HIPK2: variants seen among roughly 807,000 people sequenced by gnomAD.
HIPK2 encodes the protein homeodomain-interacting protein kinase 2.
Under a neutral mutation model 113.7 loss-of-function variants are expected in HIPK2, and 27 were observed. That is an observed-to-expected ratio of 0.24 (90% confidence interval 0.17 to 0.33). The LOEUF is 0.33. Among genes scored for constraint, HIPK2 ranks in the 10% least tolerant of loss-of-function variants. HIPK2 has a pLI of 1.00. For synonymous variants in HIPK2, 631 were observed against 642.2 expected (o/e 0.98, Z 0.26); for missense variants, 1,257 against 1,588.0 (o/e 0.79, Z 3.54).
intron 2 of HIPK2, among the ~76,000 whole-genome samples, chr7:139,650,540 A>G (rs1490675407): frequency 6.6e-6 from 1 of 151,112 alleles, no homozygotes; most frequent in African/African-American, 2.4e-5. Flanking sequence ...TTGTGATCAC[A>G]GCTGTGACAG....
chr7:139,610,568 A>C (rs1799779404), intron 9 of HIPK2, among the ~76,000 whole-genome samples: 1 of 152,246 alleles, frequency 6.6e-6, no homozygotes, highest in Non-Finnish European at 1.5e-5. Context: ...ACAAACTTTC[A>C]ATAAGACAAA....
intron 2 of HIPK2, among the ~76,000 whole-genome samples, chr7:139,713,262 G>T (rs946730412): frequency 6.6e-6 from 1 of 152,150 alleles, no homozygotes; most frequent in Non-Finnish European, 1.5e-5. Flanking sequence ...CCCACAGAGG[G>T]GGGCAGGAGA....
At position 139,567,989 on chromosome 7, in the gene HIPK2, TC is replaced by T. The variant is rs1441120984; in HGVS notation, c.*4937del. The T allele has an allele frequency of 6.6e-6, 1 of 152,136 alleles. No individual in the cohort carries two copies. Among genetic ancestry groups the T allele is most frequent in the African/African-American group, 2.4e-5 (1 of 41,352 alleles). The allele number at this position is 152,136 out of a possible 1,614,324, so 9.4% of individuals were successfully genotyped here. ...TAATACTTCCCGAAGCCTCCTCATC[TC>T]CTCCCTCCAGTTTCCAAGAAAGTTT... is the stretch of plus-strand genomic sequence containing the variant. On this transcript the variant is annotated 3_prime_UTR_variant, in exon 15 of 15. Transcript: ENST00000406875.
rs139713768 is a variant in HIPK2, at chr7:139,610,165, G to A, written c.2112+3037C>T. 6.6e-5 allele frequency among the ~76,000 whole-genome samples: 10 copies of A among 152,274 alleles called. No individual in the cohort carries two copies. In the East Asian group the frequency reaches 1.7e-3, roughly 26 times the overall value. On this transcript the variant is annotated intron_variant, in intron 9 of 14. Coordinates refer to ENST00000406875, the MANE Select transcript of HIPK2 (RefSeq NM_022740.5). ...ACAAATTCTGACTGCTGAGTCTACT[G>A]GTTCCACCAAACTGAACAACGAAGA...
Position 139,611,552 on chromosome 7 carries a change from T to C in HIPK2, c.2112+1650A>G, listed in dbSNP as rs181197207. On this transcript the variant is annotated intron_variant, in intron 9 of 14. Coordinates refer to ENST00000406875, the MANE Select transcript of HIPK2 (RefSeq NM_022740.5). ...TAAAGTGTTTCTATTAATTTTTTTT[T>C]TTCTTTACAGACAGGGTCGTACCCT... Among the ~76,000 whole-genome samples, 10 of 152,320 alleles carry C rather than the reference T, an allele frequency of 6.6e-5. No individual in the cohort carries two copies. In the East Asian group the frequency reaches 1.7e-3, roughly 26 times the overall value.
At chr7:139,697,257 C>A (rs1057432110) in intron 2 of HIPK2, among the ~76,000 whole-genome samples, 6 of 152,328 alleles carry the variant, frequency 3.9e-5, no homozygotes, top group Non-Finnish European at 8.8e-5. Flanking sequence ...CCGAGCTCTG[C>A]TTACACACAG....
intron 7 of HIPK2, among the ~76,000 whole-genome samples, chr7:139,616,242 G>A (rs959530466): frequency 6.6e-6 from 1 of 152,090 alleles, no homozygotes; most frequent in Non-Finnish European, 1.5e-5. Context: ...TGACTTCCTG[G>A]TGCCTGGGAC....
At chr7:139,575,079 G>A (rs1186730602) in intron 14 of HIPK2, 49 bp downstream of exon 14, 21 of 1,540,210 alleles carry the variant, frequency 1.4e-5, no homozygotes, top group Middle Eastern at 2.2e-4. Context: ...GCGGAAGGAT[G>A]AGGGGATGGG....
At chr7:139,696,397 A>AC (rs1484347104) in intron 2 of HIPK2, among the ~76,000 whole-genome samples, 5 of 150,918 alleles carry the variant, frequency 3.3e-5, no homozygotes, top group Non-Finnish European at 5.9e-5. Flanking sequence ...TCATAGTGAG[A>AC]CCCCCCGCCA....
At chr7:139,628,809 C>A in intron 5 of HIPK2, 144 bp downstream of exon 5, 1 of 658,852 alleles carries the variant, frequency 1.5e-6, no homozygotes, top group Non-Finnish European at 2.6e-6. Flanking sequence ...CTTACTAAGA[C>A]TGGCTGTAAC....
chr7:139,599,377 T>G (rs1799339499), intron 11 of HIPK2, among the ~76,000 whole-genome samples: 1 of 152,232 alleles, frequency 6.6e-6, no homozygotes, highest in Admixed American at 6.5e-5. Context: ...CCCCTCAGGA[T>G]TCTTCGCAGT....
intron 6 of HIPK2, among the ~76,000 whole-genome samples, chr7:139,625,978 C>T (rs1006875194): frequency 2.6e-5 from 4 of 152,208 alleles, no homozygotes; most frequent in Non-Finnish European, 5.9e-5. Flanking sequence ...CACCTCTCTT[C>T]CTGCACAGAT....
At position 139,620,548 on chromosome 7, in the gene HIPK2, G is replaced by C. The variant is rs774661798; in HGVS notation, c.1635C>G (p.Phe545Leu). The change falls in exon 7 of 15, where the codon TTC becomes TTG. Residue 545 changes from phenylalanine (F) to leucine (L), a missense_variant. Physicochemically the swap from Phe to Leu is conservative, Grantham distance 22. Coordinates refer to ENST00000406875, the MANE Select transcript of HIPK2 (RefSeq NM_022740.5). ...FPHSTHVKSCFQNMEICKRRV... is the reference protein window; with the variant it reads ...FPHSTHVKSCLQNMEICKRRV... Reference sequence around the variant, plus strand: ...GACGCTTGCAGATCTCCATGTTCTGGAAACATGATTTGACGCTGTTCATGC... The same window carrying C: ...GACGCTTGCAGATCTCCATGTTCTGCAAACATGATTTGACGCTGTTCATGC... The C allele has an allele frequency of 3.7e-6, 6 of 1,614,146 alleles. No homozygotes were observed. Among genetic ancestry groups the C allele is most frequent in the Non-Finnish European group, 5.1e-6 (6 of 1,180,018 alleles).
At chr7:139,580,264 C>G (rs76372251) in intron 13 of HIPK2, among the ~76,000 whole-genome samples, 2 of 151,924 alleles carry the variant, frequency 1.3e-5, no homozygotes, top group Admixed American at 1.3e-4. Context: ...ACACTGAGCT[C>G]GAGGGATCAG....
At chr7:139,654,573 T>A (rs1364129317) in intron 2 of HIPK2, among the ~76,000 whole-genome samples, 1 of 152,172 alleles carries the variant, frequency 6.6e-6, no homozygotes, top group Non-Finnish European at 1.5e-5. Context: ...TCTTTGGAAC[T>A]GTTTAATGCA....
At chr7:139,723,992 G>A (rs1318616595) in intron 1 of HIPK2, among the ~76,000 whole-genome samples, 3 of 150,672 alleles carry the variant, frequency 2.0e-5, no homozygotes, top group African/African-American at 7.4e-5. Flanking sequence ...GTACTTAATA[G>A]ATGCTACAGA....
intron 1 of HIPK2, among the ~76,000 whole-genome samples, chr7:139,769,361 G>C (rs1458502081): frequency 1.6e-5 from 2 of 122,868 alleles, no homozygotes; most frequent in Admixed American, 9.4e-5. Context: ...ACCCCTGGCT[G>C]TCTGGTTCCT....
rs370910519 is a variant in HIPK2, at chr7:139,595,171, T to C, written c.2717+1546A>G. On this transcript the variant is annotated intron_variant, in intron 12 of 14. Transcript: ENST00000406875. The stretch of plus-strand genomic sequence containing the variant: ...TGATTGTCAGATTTTAAATTGCTTT[T>C]GCTTTTTTCCATTTGTGGCAAAGGG... 3.2e-4 allele frequency among the ~76,000 whole-genome samples: 49 copies of C among 152,350 alleles called. No individual in the cohort carries two copies. In the South Asian group the frequency reaches 0.01, roughly 32 times the overall value.
At chr7:139,755,990 C>T (rs1337736906) in intron 1 of HIPK2, among the ~76,000 whole-genome samples, 1 of 152,234 alleles carries the variant, frequency 6.6e-6, no homozygotes, top group Non-Finnish European at 1.5e-5. Flanking sequence ...CCATGTTCTA[C>T]CTTCCCCATC....
Sources: gnomAD v4.1 joint callset for allele counts (sites outside exome capture counted in the v4.1 genomes callset) on GRCh38, gnomAD v4.1.1 for gene constraint, MANE v1.5 for transcripts, NCBI Gene and HGNC (gene_info 2026-07-23, HGNC 2026-07-21) for gene names.